The following GPD1L variants were observed in gnomAD, a reference collection of about 807,000 sequenced individuals.
GPD1L encodes the protein glycerol-3-phosphate dehydrogenase 1 like, also known as glycerol-3-phosphate dehydrogenase 1-like protein.
GPD1L carries 17 observed loss-of-function variants against 32.9 expected under a neutral mutation model. The observed-to-expected ratio is 0.52, with a 90% CI of 0.35 to 0.78. GPD1L has a LOEUF of 0.78. Ranked by LOEUF, GPD1L falls within the 30% of genes least tolerant of loss-of-function variation. The probability of loss-of-function intolerance (pLI) is 0.01; values close to 1 mark genes in which losing one functional copy is unlikely to be tolerated. For synonymous variants in GPD1L, 187 were observed against 165.9 expected (o/e 1.13, Z -0.98); for missense variants, 361 against 447.8 (o/e 0.81, Z 1.75).
At chr3:32,133,943 T>C (rs916192529) in intron 2 of GPD1L, among the ~76,000 whole-genome samples, 5 of 152,242 alleles carry the variant, frequency 3.3e-5, no homozygotes, top group Non-Finnish European at 7.3e-5. Flanking sequence ...CTAAGAGCAC[T>C]GGGCTCCTGA....
chr3:32,146,595 T>G (rs776878192), intron 4 of GPD1L, 27 bp from the exon 5 acceptor site: 10 of 1,258,462 alleles, frequency 7.9e-6, no homozygotes, highest in Admixed American at 5.0e-5. Context: ...CTGTTATTAA[T>G]ATCCTTGTTG....
intron 7 of GPD1L, among the ~76,000 whole-genome samples, chr3:32,165,169 G>C (rs184989029): frequency 4.6e-5 from 7 of 152,260 alleles, no homozygotes; most frequent in African/African-American, 1.7e-4. Context: ...TCATGCCACC[G>C]CACTCCAGCC....
intron 2 of GPD1L, among the ~76,000 whole-genome samples, chr3:32,137,093 C>T (rs1700673803): frequency 6.6e-6 from 1 of 152,148 alleles, no homozygotes; most frequent in Non-Finnish European, 1.5e-5. Flanking sequence ...CCATCACAAC[C>T]CCCAAACTAG....
At chr3:32,158,231 G>A (rs890256790) in intron 5 of GPD1L, 1 of 153,692 alleles carries the variant, frequency 6.5e-6, no homozygotes, top group African/African-American at 2.4e-5. Context: ...AAATATGGAT[G>A]AATCTCACAA....
intron 4 of GPD1L, among the ~76,000 whole-genome samples, chr3:32,143,227 A>C (rs1700773978): frequency 6.6e-6 from 1 of 152,036 alleles, no homozygotes; most frequent in Non-Finnish European, 1.5e-5. Context: ...AAAACATTGA[A>C]AGTAAGATAG....
intron 1 of GPD1L, among the ~76,000 whole-genome samples, chr3:32,124,421 C>T (rs1283847350): frequency 1.3e-5 from 2 of 152,194 alleles, no homozygotes; most frequent in Non-Finnish European, 2.9e-5. Context: ...CTTCAAAACC[C>T]TCTGGCTCCT....
At chr3:32,119,314 G>A (rs1700375118) in intron 1 of GPD1L, among the ~76,000 whole-genome samples, 1 of 152,154 alleles carries the variant, frequency 6.6e-6, no homozygotes, top group African/African-American at 2.4e-5. Context: ...CCATCTAAGT[G>A]GATCTGAGGT....
chr3:32,109,082 C>T (rs1331486390), intron 1 of GPD1L, among the ~76,000 whole-genome samples: 1 of 152,140 alleles, frequency 6.6e-6, no homozygotes, highest in Non-Finnish European at 1.5e-5. Context: ...ATCTCCTGAC[C>T]TCATGATCCG....
intron 7 of GPD1L, among the ~76,000 whole-genome samples, chr3:32,162,036 C>T (rs2125499590): frequency 6.6e-6 from 1 of 152,328 alleles, no homozygotes; most frequent in South Asian, 2.1e-4. Context: ...TTCTCTTCTC[C>T]ATTGCTATAG....
At chr3:32,127,405 G>A (rs1234467372) in intron 1 of GPD1L, among the ~76,000 whole-genome samples, 6 of 152,180 alleles carry the variant, frequency 3.9e-5, no homozygotes, top group Admixed American at 1.3e-4. Context: ...CCTCTGCTGC[G>A]GCAACCACGT....
intron 1 of GPD1L, among the ~76,000 whole-genome samples, chr3:32,115,614 AGG>A (rs1700320070): frequency 2.6e-5 from 4 of 152,138 alleles, no homozygotes; most frequent in Non-Finnish European, 5.9e-5. Context: ...CCAGTCCTGG[AGG>A]AGGAGGAGAA....
chr3:32,157,000 T>G (rs563819688), intron 5 of GPD1L, among the ~76,000 whole-genome samples: 5 of 152,208 alleles, frequency 3.3e-5, no homozygotes, highest in Admixed American at 1.3e-4. Context: ...ATTTGCTTTT[T>G]GGGGGGCATT....
chr3:32,141,239 A>G (rs1006966166), intron 4 of GPD1L, among the ~76,000 whole-genome samples: 1 of 152,186 alleles, frequency 6.6e-6, no homozygotes, highest in Non-Finnish European at 1.5e-5. Context: ...ATACCTGCCT[A>G]TACGTAGGAC....
Position 32,138,586 on chromosome 3 carries a change from G to T in GPD1L, c.226-1G>T. ...CGGTCTTCTCTGCCTTTTGGTTGCA[G>T]GTTGCCATGTCAAATCTTAGCGAGG... On this transcript the variant is annotated splice_acceptor_variant, in intron 2 of 7. Transcript: ENST00000282541. LOFTEE classifies it high-confidence loss of function. The T allele has an allele frequency of 6.2e-7, 1 of 1,614,034 alleles. No individual in the cohort carries two copies. Among genetic ancestry groups the T allele is most frequent in the Non-Finnish European group, 8.5e-7 (1 of 1,179,924 alleles).
intron 1 of GPD1L, among the ~76,000 whole-genome samples, chr3:32,113,799 G>A (rs1700287329): frequency 6.6e-6 from 1 of 152,176 alleles, no homozygotes; most frequent in South Asian, 2.1e-4. Context: ...ATCTAGCCTA[G>A]GCTCACTCAT....
At chr3:32,130,510 A>C (rs1700572165) in intron 2 of GPD1L, among the ~76,000 whole-genome samples, 1 of 152,236 alleles carries the variant, frequency 6.6e-6, no homozygotes, top group South Asian at 2.1e-4. Flanking sequence ...TGAGACCCTC[A>C]AACTGCTGCC....
Position 32,106,870 on chromosome 3 carries a change from G to A in GPD1L, c.47+112G>A, listed in dbSNP as rs911048310. 1.0e-4 allele frequency: 106 copies of A among 1,052,242 alleles called. No individual in the cohort carries two copies. Among genetic ancestry groups the A allele is most frequent in the Non-Finnish European group, 1.3e-4 (104 of 788,988 alleles). 65.2% of individuals were successfully genotyped at this position (1,052,242 alleles called of 1,614,324 possible). Reference sequence around the variant, plus strand: ...CGTGGGCACCGGGCACTGCGCGCAGGGAGGCGGGGTGGGCGACCTCGTTGC... The same window carrying A: ...CGTGGGCACCGGGCACTGCGCGCAGAGAGGCGGGGTGGGCGACCTCGTTGC... On this transcript the variant is annotated intron_variant, in intron 1 of 7. Coordinates refer to ENST00000282541, the MANE Select transcript of GPD1L (RefSeq NM_015141.4). The surrounding 1 kb of genome is among the most constrained non-coding windows in gnomAD (Gnocchi z 4.0).
At chr3:32,119,612 C>A (rs1252553029) in intron 1 of GPD1L, among the ~76,000 whole-genome samples, 1 of 152,184 alleles carries the variant, frequency 6.6e-6, no homozygotes, top group South Asian at 2.1e-4. Flanking sequence ...ACATTTGCAT[C>A]TAATACTCTG....
At chr3:32,113,276 A>G (rs1405831199) in intron 1 of GPD1L, among the ~76,000 whole-genome samples, 2 of 152,220 alleles carry the variant, frequency 1.3e-5, no homozygotes, top group East Asian at 3.8e-4. Flanking sequence ...TTGTATGTGA[A>G]GAAAAATCTT....
Sources: gnomAD v4.1 joint callset for allele counts (sites outside exome capture counted in the v4.1 genomes callset) on GRCh38, gnomAD v4.1.1 for gene constraint, Gnocchi (gnomAD v3.1) non-coding constraint, MANE v1.5 for transcripts, NCBI Gene and HGNC (gene_info 2026-07-23, HGNC 2026-07-21) for gene names.